The following MACROD2 variants were observed in gnomAD, a reference collection of about 807,000 sequenced individuals.
MACROD2 encodes ADP-ribose glycohydrolase MACROD2.
Under a neutral mutation model 70.4 loss-of-function variants are expected in MACROD2, and 36 were observed. The ratio of observed to expected loss-of-function variants is 0.51; its 90% CI spans 0.39 to 0.68. The LOEUF (loss-of-function observed/expected upper bound fraction) is 0.68, where lower values mean the gene tolerates loss of function less well. Among genes scored for constraint, MACROD2 ranks in the 30% least tolerant of loss-of-function variants. The probability of loss-of-function intolerance (pLI) is 0.00; values close to 1 mark genes in which losing one functional copy is unlikely to be tolerated. For missense variants in MACROD2, 496 were observed against 538.4 expected (o/e 0.92, Z 0.78); for synonymous variants, 172 against 178.8 (o/e 0.96, Z 0.30).
At chr20:15,398,929 C>T (rs908182394) in intron 6 of MACROD2, among the ~76,000 whole-genome samples, 4 of 152,156 alleles carry the variant, frequency 2.6e-5, no homozygotes, top group Non-Finnish European at 5.9e-5. Context: ...TGATCCTTCT[C>T]GCCTCAGCCT....
At chr20:15,514,120 AAG>A (rs1395223829) in intron 8 of MACROD2, among the ~76,000 whole-genome samples, 3 of 152,256 alleles carry the variant, frequency 2.0e-5, no homozygotes, top group Admixed American at 1.3e-4. Flanking sequence ...GTGTTATTAC[AAG>A]AGTCAAAAGT....
chr20:14,045,267 A>G (rs902039734), intron 2 of MACROD2, among the ~76,000 whole-genome samples: 3 of 152,266 alleles, frequency 2.0e-5, no homozygotes, highest in African/African-American at 7.2e-5. Context: ...CCTCAAGCGC[A>G]GCCAGAGTGG....
intron 4 of MACROD2, 78 bp from the exon 5 acceptor site, chr20:14,684,765 C>A (rs985438837): frequency 3.5e-6 from 4 of 1,134,658 alleles, no homozygotes; most frequent in African/African-American, 1.5e-5. Context: ...AAATTGAGTT[C>A]TCTTCCTCTT....
chr20:15,887,117 C>A (rs1287065750), intron 10 of MACROD2, among the ~76,000 whole-genome samples: 3 of 152,116 alleles, frequency 2.0e-5, no homozygotes, highest in African/African-American at 7.2e-5. Context: ...CAGCAGGGAG[C>A]TCTTTAAATT....
At chr20:14,182,034 CTA>C (rs1230442048) in intron 3 of MACROD2, among the ~76,000 whole-genome samples, 1 of 152,144 alleles carries the variant, frequency 6.6e-6, no homozygotes. Context: ...TGTGCTAACT[CTA>C]TGTTTAACCT....
chr20:16,020,570 T>G (rs2066987710), intron 15 of MACROD2, among the ~76,000 whole-genome samples: 1 of 150,808 alleles, frequency 6.6e-6, no homozygotes, highest in Admixed American at 6.7e-5. Context: ...TCAGCGAATG[T>G]CTGCTACGTA....
intron 2 of MACROD2, among the ~76,000 whole-genome samples, chr20:14,075,795 A>AT (rs1488511204): frequency 6.6e-6 from 1 of 152,148 alleles, no homozygotes; most frequent in African/African-American, 2.4e-5. Context: ...GGTCTCAAGG[A>AT]TCCCCAAAAG....
intron 4 of MACROD2, among the ~76,000 whole-genome samples, chr20:14,570,282 A>G (rs1258326875): frequency 1.3e-5 from 2 of 152,046 alleles, no homozygotes; most frequent in African/African-American, 4.8e-5. Flanking sequence ...ATTTGTGTAA[A>G]CTTCAAAAGC....
At chr20:14,635,380 A>G (rs1984735551) in intron 4 of MACROD2, among the ~76,000 whole-genome samples, 2 of 152,170 alleles carry the variant, frequency 1.3e-5, no homozygotes, top group South Asian at 4.1e-4. Context: ...TAGAAAAGTC[A>G]CTAAAATGCT....
chr20:14,904,050 C>A (rs563051182), intron 5 of MACROD2, among the ~76,000 whole-genome samples: 1 of 152,158 alleles, frequency 6.6e-6, no homozygotes, highest in Non-Finnish European at 1.5e-5. Context: ...AAGTTTCTGC[C>A]TGGTACACAT....
At chr20:15,659,215 G>C (rs1333393191) in intron 8 of MACROD2, among the ~76,000 whole-genome samples, 1 of 149,956 alleles carries the variant, frequency 6.7e-6, no homozygotes, top group Non-Finnish European at 1.5e-5. Context: ...ATGATACCTT[G>C]GTTATTTCCA....
chr20:14,601,042 G>A (rs138532706), intron 4 of MACROD2, among the ~76,000 whole-genome samples: 8 of 151,946 alleles, frequency 5.3e-5, no homozygotes, highest in African/African-American at 1.2e-4. Flanking sequence ...CCTGAATCCC[G>A]GTTCTCATCT....
chr20:15,665,029 T>C (rs995647761), intron 8 of MACROD2, among the ~76,000 whole-genome samples: 1 of 152,132 alleles, frequency 6.6e-6, no homozygotes, highest in African/African-American at 2.4e-5. Context: ...TGCATAATGA[T>C]AAAAGGTAAT....
At chr20:15,430,689 T>A (rs982912138) in intron 6 of MACROD2, among the ~76,000 whole-genome samples, 1 of 151,796 alleles carries the variant, frequency 6.6e-6, no homozygotes, top group Non-Finnish European at 1.5e-5. Flanking sequence ...AGACTGGCTG[T>A]CAAAAAAGGG....
At position 15,698,309 on chromosome 20, in the gene MACROD2, A is replaced by G. The variant is rs2050406695; in HGVS notation, c.646-164436A>G. Among the ~76,000 whole-genome samples the G allele has an allele frequency of 3.9e-5, 6 of 152,162 alleles. No homozygotes were observed. In the South Asian group the frequency reaches 1.2e-3, roughly 31 times the overall value. ...CTCAGCATTTGTTTGTCTGAAAACG[A>G]CTGTACCTTTCCTTCATATATGATG... is the stretch of plus-strand genomic sequence containing the variant. On this transcript the variant is annotated intron_variant, in intron 8 of 17. Transcript: ENST00000684519.
At chr20:14,417,197 T>C (rs536875354) in intron 3 of MACROD2, among the ~76,000 whole-genome samples, 1 of 152,180 alleles carries the variant, frequency 6.6e-6, no homozygotes, top group South Asian at 2.1e-4. Flanking sequence ...TTCCCTGTTT[T>C]AGTTAAAAGT....
chr20:15,200,321 C>A (rs988497066), intron 5 of MACROD2, among the ~76,000 whole-genome samples: 4 of 152,158 alleles, frequency 2.6e-5, no homozygotes, highest in Admixed American at 2.0e-4. Flanking sequence ...GATTAAATTG[C>A]CATACTCTTA....
chr20:15,272,584 G>T (rs1403202161), intron 6 of MACROD2, among the ~76,000 whole-genome samples: 1 of 152,146 alleles, frequency 6.6e-6, no homozygotes, highest in Non-Finnish European at 1.5e-5. Flanking sequence ...CTGACACCAA[G>T]ATTATTGTTA....
chr20:14,596,412 CATAT>C (rs5840627), intron 4 of MACROD2, among the ~76,000 whole-genome samples: 20,181 of 142,978 alleles, frequency 0.14, 1,902 homozygotes, highest in South Asian at 0.33. Context: ...ATTTTTTAAA[CATAT>C]ATATATATAT....
Sources: allele counts gnomAD v4.1 joint callset (sites outside exome capture counted in the v4.1 genomes callset), GRCh38; gene constraint gnomAD v4.1.1; transcripts MANE v1.5; gene names NCBI Gene and HGNC (gene_info 2026-07-23, HGNC 2026-07-21).